Variants in TBXAS1 observed in about 807,000 individuals in gnomAD.
TBXAS1 encodes thromboxane A synthase 1.
TBXAS1 carries 48 observed loss-of-function variants against 60.7 expected under a neutral mutation model. That is an observed-to-expected ratio of 0.79 (90% CI 0.63 to 1.01). TBXAS1 has a LOEUF of 1.01. TBXAS1 is among the 50% of genes least tolerant of loss of function. TBXAS1 has a pLI of 0.00. For missense variants in TBXAS1, 685 were observed against 686.3 expected, an observed-to-expected ratio of 1.00 and a Z score of 0.02; for synonymous variants, 287 against 269.7, an observed-to-expected ratio of 1.06 and a Z score of -0.63.
chr7:139,868,691 T>C (rs955181340), intron 1 of TBXAS1, among the ~76,000 whole-genome samples: 3 of 149,300 alleles, frequency 2.0e-5, no homozygotes, highest in African/African-American at 7.4e-5. Flanking sequence ...GGGTCTTGCT[T>C]CATCATCCCA....
In TBXAS1 at chr7:139,962,234, G is replaced by A. The variant is rs367988203; in HGVS notation, c.1134+1G>A. On this transcript the variant is annotated splice_donor_variant, in intron 9 of 12. Transcript: ENST00000448866. LOFTEE classifies it high-confidence loss of function. ...GGTAGACGTTTTTAAGGAGAAACAC[G>A]TGAGTACAAGTTGGATCCAGTTACC... 3.2e-5 allele frequency: 51 copies of A among 1,613,976 alleles called. No individual in the cohort carries two copies. The highest frequency in any genetic ancestry group is 3.6e-5 in the Non-Finnish European group (43 of 1,180,038).
chr7:139,961,617 A>G (rs1005656276), intron 8 of TBXAS1, among the ~76,000 whole-genome samples: 3 of 152,222 alleles, frequency 2.0e-5, no homozygotes, highest in Non-Finnish European at 4.4e-5. Context: ...CTTTGTTTTT[A>G]CTTAACAAAG....
chr7:140,015,671 T>G, intron 10 of TBXAS1, 52 bp from the exon 11 acceptor site: 1 of 1,606,592 alleles, frequency 6.2e-7, no homozygotes, highest in Non-Finnish European at 8.5e-7. Flanking sequence ...CGCCCCAAGC[T>G]CTGCTCCTCA....
Position 140,007,097 on chromosome 7 carries a change from C to T in TBXAS1, c.1141C>T (p.Pro381Ser). 1.2e-6 allele frequency: 2 copies of T among 1,614,132 alleles called. No individual in the cohort carries two copies. Among genetic ancestry groups the T allele is most frequent in the South Asian group, 2.2e-5 (2 of 91,082 alleles). ...GTCACGACCCCTCCATCAGATGGCC[C>T]CTGAGTTCTGCAGCCTCGAGGAAGG... ...VDVFKEKHMAPEFCSLEEGLP... is the reference protein window; with the variant it reads ...VDVFKEKHMASEFCSLEEGLP... Residue 381 changes from proline (P) to serine (S), a missense_variant, in exon 10 of 13, where the codon CCT (proline) becomes TCT (serine). Transcript: ENST00000448866.
chr7:139,950,893 A>AGGACCCCCTCGCCCTCCATCTACG, intron 5 of TBXAS1, among the ~76,000 whole-genome samples: 1 of 114,182 alleles, frequency 8.8e-6, no homozygotes, highest in East Asian at 2.6e-4. Flanking sequence ...CTCCATCTAC[A>AGGACCCCCTCGCCCTCCATCTACG]GGACCCACTC....
chr7:139,845,021 C>G (rs1275506806), intron 1 of TBXAS1, among the ~76,000 whole-genome samples: 1 of 152,188 alleles, frequency 6.6e-6, no homozygotes, highest in East Asian at 1.9e-4. Context: ...TCACATCTTT[C>G]TTGGCTCTCA....
chr7:139,803,384 T>C (rs1797767610), intron 4 of TBXAS1, among the ~76,000 whole-genome samples: 1 of 152,098 alleles, frequency 6.6e-6, no homozygotes. Flanking sequence ...TTAGGGTATG[T>C]GGTGGAAGAA....
rs182566493 is a variant in TBXAS1, at chr7:139,817,373, T to A, written c.-79-11939T>A. Among the ~76,000 whole-genome samples the A allele has an allele frequency of 2.6e-3, 401 of 152,232 alleles. 3 individuals carry two copies. The highest frequency in any genetic ancestry group is 4.3e-3 in the Admixed American group (65 of 15,274). On this transcript the variant is annotated intron_variant, in intron 4 of 16. Coordinates refer to the TBXAS1 transcript ENST00000336425. The stretch of plus-strand genomic sequence containing the variant: ...CGCCGCCAGCAAGTCCTGTGGCCTG[T>A]CCTGTGGGCAAAGTCCATGATCCTC...
intron 5 of TBXAS1, among the ~76,000 whole-genome samples, chr7:139,942,019 A>C (rs1808332335): frequency 6.6e-6 from 1 of 152,260 alleles, no homozygotes; most frequent in Non-Finnish European, 1.5e-5. Context: ...GAAAGATATT[A>C]AATCAATAGG....
chr7:139,830,214 A>G (rs2116482047), intron 1 of TBXAS1, among the ~76,000 whole-genome samples: 1 of 152,304 alleles, frequency 6.6e-6, no homozygotes, highest in East Asian at 1.9e-4. Context: ...TATTAGAGTT[A>G]CCCATTCAAT....
intron 4 of TBXAS1, among the ~76,000 whole-genome samples, chr7:139,935,234 C>A (rs531787229): frequency 1.3e-5 from 2 of 152,358 alleles, no homozygotes; most frequent in East Asian, 3.9e-4. Context: ...AAGTTTCTGA[C>A]ATAAAATGGC....
In TBXAS1 at chr7:140,020,207, C is replaced by A; in HGVS notation, c.*108C>A. ...TGTCACTGAAGTGATTGAAAGAGTGCCTGGCATGCAAGGATAAGAGGTTCT... is the reference window on the plus strand; with the variant it reads ...TGTCACTGAAGTGATTGAAAGAGTGACTGGCATGCAAGGATAAGAGGTTCT... On this transcript the variant is annotated 3_prime_UTR_variant, in exon 13 of 13. Coordinates refer to ENST00000448866, the MANE Select transcript of TBXAS1 (RefSeq NM_001061.7). The A allele has an allele frequency of 9.6e-7, 1 of 1,046,922 alleles. No homozygotes were observed. Among genetic ancestry groups the A allele is most frequent in the Non-Finnish European group, 1.5e-6 (1 of 675,396 alleles). 64.9% of individuals were successfully genotyped at this position (1,046,922 alleles called of 1,614,324 possible).
At chr7:139,889,187 C>T (rs1253038227) in intron 3 of TBXAS1, among the ~76,000 whole-genome samples, 1 of 151,664 alleles carries the variant, frequency 6.6e-6, no homozygotes, top group Non-Finnish European at 1.5e-5. Context: ...CCAAAATTAG[C>T]TGGGTGTGGT....
chr7:139,870,869 G>A (rs1312387862), intron 1 of TBXAS1, among the ~76,000 whole-genome samples: 5 of 152,120 alleles, frequency 3.3e-5, no homozygotes, highest in East Asian at 3.9e-4. Context: ...CAGGAGGACC[G>A]CTTGAGGCCA....
intron 1 of TBXAS1, among the ~76,000 whole-genome samples, chr7:139,844,950 A>G (rs1225095141): frequency 6.6e-6 from 1 of 151,970 alleles, no homozygotes; most frequent in African/African-American, 2.4e-5. Context: ...GGGCTGGGAC[A>G]CCTGCCTCTC....
intron 9 of TBXAS1, among the ~76,000 whole-genome samples, chr7:139,994,533 G>T (rs1813154143): frequency 6.6e-6 from 1 of 151,670 alleles, no homozygotes; most frequent in African/African-American, 2.4e-5. Context: ...TTTTAAGCTT[G>T]GGCCTAGCCC....
In TBXAS1 at chr7:139,957,308, T is replaced by A. The variant is rs113577447; in HGVS notation, c.689-326T>A. On this transcript the variant is annotated intron_variant, in intron 7 of 12. Coordinates refer to ENST00000448866, the MANE Select transcript of TBXAS1 (RefSeq NM_001061.7). ...TGTAATCCTTTCTCTCTTAATGAAG[T>A]ACAAAGACCTTCAGGTCTCATCCCC... 1.1e-4 allele frequency among the ~76,000 whole-genome samples: 16 copies of A among 152,348 alleles called. 1 individual carries two copies. Among genetic ancestry groups the A allele is most frequent in the African/African-American group, 3.6e-4 (15 of 41,594 alleles).
chr7:139,857,187 T>C (rs1203666469), intron 1 of TBXAS1, among the ~76,000 whole-genome samples: 7 of 152,282 alleles, frequency 4.6e-5, no homozygotes, highest in Admixed American at 4.6e-4. Flanking sequence ...GAAGCTGTCT[T>C]TGGGCTTCCG....
intron 12 of TBXAS1, 108 bp from the exon 13 acceptor site, chr7:140,019,917 T>C (rs1815414606): frequency 9.6e-7 from 1 of 1,046,010 alleles, no homozygotes; most frequent in Non-Finnish European, 1.5e-6. Flanking sequence ...GCTTTCTTCT[T>C]GTGTGACCTT....
Sources: gnomAD v4.1 joint callset for allele counts (sites outside exome capture counted in the v4.1 genomes callset) on GRCh38, gnomAD v4.1.1 for gene constraint, MANE v1.5 for transcripts, NCBI Gene and HGNC (gene_info 2026-07-23, HGNC 2026-07-21) for gene names.